C13orf42: variants seen among roughly 807,000 people sequenced by gnomAD.
C13orf42 encodes the protein uncharacterized protein C13orf42.
intron 1 of C13orf42, among the ~76,000 whole-genome samples, chr13:51,094,742 CT>C (rs1419365617): frequency 6.6e-6 from 1 of 152,178 alleles, no homozygotes; most frequent in Non-Finnish European, 1.5e-5. Context: ...GATATTTCCA[CT>C]GAGTATAGAA....
At chr13:51,127,149 A>G (rs1953583568) in intron 1 of C13orf42, among the ~76,000 whole-genome samples, 1 of 152,226 alleles carries the variant, frequency 6.6e-6, no homozygotes, top group Non-Finnish European at 1.5e-5. Context: ...CCTGGACCAC[A>G]GAGCAAGACT....
At chr13:51,137,063 GTGTGTGTT>G (rs1385602386) in intron 1 of C13orf42, among the ~76,000 whole-genome samples, 12 of 152,302 alleles carry the variant, frequency 7.9e-5, no homozygotes, top group Middle Eastern at 6.8e-3. Flanking sequence ...AAGAGGAGCT[GTGTGTGTT>G]TGTGTGTTTG....
chr13:51,168,951 T>C (rs538422646), intron 1 of C13orf42, among the ~76,000 whole-genome samples: 1 of 152,322 alleles, frequency 6.6e-6, no homozygotes, highest in East Asian at 1.9e-4. Flanking sequence ...TCCTGAGGCC[T>C]CACCAGCCAT....
At chr13:51,160,495 G>C (rs1032001635) in intron 1 of C13orf42, among the ~76,000 whole-genome samples, 2 of 152,170 alleles carry the variant, frequency 1.3e-5, no homozygotes, top group East Asian at 3.9e-4. Context: ...GGCAACAAGA[G>C]CAAAACTCCG....
intron 1 of C13orf42, among the ~76,000 whole-genome samples, chr13:51,093,270 CCTT>C (rs1490269047): frequency 1.3e-5 from 2 of 152,262 alleles, no homozygotes; most frequent in South Asian, 2.1e-4. Context: ...TTGACTGACT[CCTT>C]CTTCTGGGTA....
At chr13:51,149,397 GT>G (rs1391257090) in intron 1 of C13orf42, among the ~76,000 whole-genome samples, 11 of 150,500 alleles carry the variant, frequency 7.3e-5, no homozygotes, top group Admixed American at 7.3e-4. Flanking sequence ...AAGTGAAAAT[GT>G]TTGCAAAGGA....
intron 1 of C13orf42, among the ~76,000 whole-genome samples, chr13:51,097,796 A>G (rs568504545): frequency 3.5e-4 from 53 of 152,126 alleles, no homozygotes; most frequent in African/African-American, 1.2e-3. Context: ...GGAAATGCCA[A>G]ATGTAATGCA....
chr13:51,103,435 G>A (rs1953314212), intron 1 of C13orf42, among the ~76,000 whole-genome samples: 1 of 152,134 alleles, frequency 6.6e-6, no homozygotes, highest in South Asian at 2.1e-4. Flanking sequence ...AGGCGCAGTG[G>A]CTCACACCTG....
chr13:51,100,939 G>A (rs1423265666), intron 1 of C13orf42, among the ~76,000 whole-genome samples: 1 of 152,146 alleles, frequency 6.6e-6, no homozygotes, highest in Non-Finnish European at 1.5e-5. Context: ...TTTTCAAAAA[G>A]TAGTTAATGA....
intron 1 of C13orf42, among the ~76,000 whole-genome samples, chr13:51,094,096 G>A (rs1953209018): frequency 6.6e-6 from 1 of 152,138 alleles, no homozygotes; most frequent in Non-Finnish European, 1.5e-5. Context: ...TGGATCCGGA[G>A]TCTCTTTGAC....
At chr13:51,099,486 A>G (rs543621477) in intron 1 of C13orf42, among the ~76,000 whole-genome samples, 2 of 152,342 alleles carry the variant, frequency 1.3e-5, no homozygotes, top group African/African-American at 4.8e-5. Flanking sequence ...AAACTCTAGT[A>G]TAACTAAACC....
chr13:51,169,504 C>T (rs1052338673), intron 1 of C13orf42, among the ~76,000 whole-genome samples: 3 of 152,202 alleles, frequency 2.0e-5, no homozygotes, highest in Non-Finnish European at 4.4e-5. Flanking sequence ...TGATAGCCAA[C>T]ATAATAGGGA....
chr13:51,086,537 A>T (rs1166973275), intron 2 of C13orf42, among the ~76,000 whole-genome samples: 6 of 151,906 alleles, frequency 3.9e-5, no homozygotes, highest in Admixed American at 3.9e-4. Context: ...TGTTAAAACC[A>T]CACTCAAAAA....
At chr13:51,099,554 C>T (rs1014814873) in intron 1 of C13orf42, among the ~76,000 whole-genome samples, 2 of 152,166 alleles carry the variant, frequency 1.3e-5, no homozygotes, top group African/African-American at 4.8e-5. Flanking sequence ...AGCTGCATAT[C>T]TTTTGTTTCT....
intron 1 of C13orf42, among the ~76,000 whole-genome samples, chr13:51,097,743 T>C (rs1953250450): frequency 6.6e-6 from 1 of 151,172 alleles, no homozygotes; most frequent in Admixed American, 6.6e-5. Context: ...TCCCTCCCAA[T>C]CTTGATTTTT....
intron 1 of C13orf42, among the ~76,000 whole-genome samples, chr13:51,138,976 CAGA>C (rs1422886461): frequency 6.6e-6 from 1 of 152,206 alleles, no homozygotes; most frequent in African/African-American, 2.4e-5. Context: ...AAGGCAGTCA[CAGA>C]AGGACAAATA....
chr13:51,134,974 A>T (rs570685636), intron 1 of C13orf42, among the ~76,000 whole-genome samples: 105 of 152,328 alleles, frequency 6.9e-4, no homozygotes, highest in African/African-American at 2.2e-3. Context: ...GACTGACTCC[A>T]TGCCAGGTAC....
At chr13:51,139,129 C>A (rs981981721) in intron 1 of C13orf42, among the ~76,000 whole-genome samples, 1 of 152,052 alleles carries the variant, frequency 6.6e-6, no homozygotes, top group African/African-American at 2.4e-5. Flanking sequence ...CTAGTCTGAC[C>A]AGCATGGTGA....
intron 1 of C13orf42, among the ~76,000 whole-genome samples, chr13:51,170,337 C>T (rs763244840): frequency 6.6e-6 from 1 of 152,158 alleles, no homozygotes; most frequent in Non-Finnish European, 1.5e-5. Flanking sequence ...TGACTCGGAT[C>T]GGGGGACCTC....
Sources: gnomAD v4.1 joint callset for allele counts (sites outside exome capture counted in the v4.1 genomes callset) on GRCh38, gnomAD v4.1.1 for gene constraint, MANE v1.5 for transcripts, NCBI Gene and HGNC (gene_info 2026-07-23, HGNC 2026-07-21) for gene names.